Variants in GPC3 observed in about 807,000 individuals in gnomAD.
GPC3 encodes the protein glypican 3, also known as glypican-3.
Under a neutral mutation model 34.4 loss-of-function variants are expected in GPC3, and 3 were observed. The ratio of observed to expected loss-of-function variants is 0.09; its 90% CI spans 0.04 to 0.23. The LOEUF is 0.23. Ranked by LOEUF, GPC3 falls within the 10% of genes least tolerant of loss-of-function variation. The pLI is 1.00. For missense variants in GPC3, 351 were observed against 445.6 expected, an observed-to-expected ratio of 0.79 and a Z score of 1.91; for synonymous variants, 177 against 174.0, an observed-to-expected ratio of 1.02 and a Z score of -0.13.
At chrX:133,716,083 A>T (rs934109161) in intron 3 of GPC3, among the ~76,000 whole-genome samples, 2 of 112,440 alleles carry the variant, frequency 1.8e-5, no homozygotes, top group African/African-American at 6.5e-5. Context: ...TTCAACGGCT[A>T]CACATGACAA....
chrX:133,907,693 T>G (rs2124604338), intron 2 of GPC3, among the ~76,000 whole-genome samples: 1 of 111,630 alleles, frequency 9.0e-6, no homozygotes, highest in Admixed American at 9.6e-5. Context: ...CTATGGAACA[T>G]TTTGATTGTT....
chrX:133,626,865 C>T (rs923978691), intron 6 of GPC3, among the ~76,000 whole-genome samples: 21 of 107,866 alleles, frequency 1.9e-4, no homozygotes, highest in East Asian at 2.9e-4. Flanking sequence ...CACATGCACA[C>T]GTATGTTTAT....
chrX:133,569,029 G>A (rs1323220092), intron 7 of GPC3, among the ~76,000 whole-genome samples: 1 of 110,842 alleles, frequency 9.0e-6, no homozygotes, highest in Non-Finnish European at 1.9e-5. Context: ...TAGCATGGGC[G>A]TGGTGGCGAT....
chrX:133,745,689 G>T (rs1398512771), intron 3 of GPC3, among the ~76,000 whole-genome samples: 1 of 112,496 alleles, frequency 8.9e-6, no homozygotes, highest in Non-Finnish European at 1.9e-5. Flanking sequence ...ATCAGTCAGG[G>T]TTGAGCTAAC....
At chrX:133,606,516 G>T (rs992138870) in intron 6 of GPC3, among the ~76,000 whole-genome samples, 5 of 111,741 alleles carry the variant, frequency 4.5e-5, no homozygotes, top group African/African-American at 1.3e-4. Flanking sequence ...TGACCTCTTG[G>T]GCTAAAGCAA....
intron 2 of GPC3, among the ~76,000 whole-genome samples, chrX:133,806,521 C>T (rs2075636350): frequency 9.0e-6 from 1 of 111,730 alleles, no homozygotes; most frequent in African/African-American, 3.2e-5. Flanking sequence ...CTGATCTATG[C>T]TTTTGTTTAT....
chrX:133,622,367 A>G (rs1443244910), intron 6 of GPC3, among the ~76,000 whole-genome samples: 1 of 112,103 alleles, frequency 8.9e-6, no homozygotes, highest in Non-Finnish European at 1.9e-5. Flanking sequence ...TCTCTGAGCT[A>G]AAGGAGGATA....
chrX:133,756,052 T>C (rs2071723570), intron 2 of GPC3, among the ~76,000 whole-genome samples: 1 of 112,538 alleles, frequency 8.9e-6, no homozygotes, highest in South Asian at 3.6e-4. Context: ...GTTTCAGAAG[T>C]ATTCACAAGC....
chrX:133,821,553 G>A (rs1221039373), intron 2 of GPC3, among the ~76,000 whole-genome samples: 1 of 111,550 alleles, frequency 9.0e-6, no homozygotes, highest in Non-Finnish European at 1.9e-5. Context: ...ATATATATTC[G>A]GAACACTTGA....
At chrX:133,850,194 G>GTTT (rs749809263) in intron 2 of GPC3, among the ~76,000 whole-genome samples, 10,437 of 67,739 alleles carry the variant, frequency 0.15, 1,329 homozygotes, top group African/African-American at 0.37. Flanking sequence ...TTTGGGTTTT[G>GTTT]TTTTTTTTTT....
At chrX:133,637,416 CA>C (rs201591822) in intron 6 of GPC3, among the ~76,000 whole-genome samples, 23 of 98,048 alleles carry the variant, frequency 2.3e-4, no homozygotes, top group South Asian at 4.5e-4. Flanking sequence ...GACTCCATCT[CA>C]AAAAAAAAAA....
intron 2 of GPC3, among the ~76,000 whole-genome samples, chrX:133,804,375 T>A (rs1294003187): frequency 9.1e-6 from 1 of 110,458 alleles, no homozygotes; most frequent in East Asian, 2.9e-4. Context: ...ACCCAAGGAA[T>A]CTGTATCTTT....
rs1160635004 is a variant in GPC3 at position 133,841,837 on chromosome X, C to T, written c.338-87661G>A. Reference sequence around the variant, plus strand: ...CAGCTTCCAGCAAATATAAAGCAGGCAGAGAAATGTGAAAAGAGAGATGGG... The same window carrying T: ...CAGCTTCCAGCAAATATAAAGCAGGTAGAGAAATGTGAAAAGAGAGATGGG... On this transcript the variant is annotated intron_variant, in intron 2 of 7. Coordinates refer to ENST00000370818, the MANE Select transcript of GPC3 (RefSeq NM_004484.4). 2.4e-4 allele frequency among the ~76,000 whole-genome samples: 27 copies of T among 111,852 alleles called. No individual in the cohort carries two copies. In the Admixed American group the frequency reaches 2.5e-3, roughly 11 times the overall value.
At chrX:133,922,915 A>T (rs2076256505) in intron 2 of GPC3, among the ~76,000 whole-genome samples, 1 of 111,537 alleles carries the variant, frequency 9.0e-6, no homozygotes, top group Admixed American at 9.6e-5. Context: ...GACTACAGCT[A>T]TGTGAGGTAG....
chrX:133,576,860 A>C (rs1217800743), intron 7 of GPC3, among the ~76,000 whole-genome samples: 1 of 109,432 alleles, frequency 9.1e-6, no homozygotes, highest in Non-Finnish European at 1.9e-5. Flanking sequence ...GAAGAATTGA[A>C]GACATCACAA....
chrX:133,892,286 C>T (rs769155080), intron 2 of GPC3, among the ~76,000 whole-genome samples: 2 of 111,935 alleles, frequency 1.8e-5, no homozygotes, highest in African/African-American at 6.5e-5. Flanking sequence ...ACAAACCCTT[C>T]ATTGTACATT....
At chrX:133,709,069 A>T (rs1300811894) in intron 3 of GPC3, among the ~76,000 whole-genome samples, 1 of 111,575 alleles carries the variant, frequency 9.0e-6, no homozygotes. Context: ...CTATTTCTGA[A>T]CTCTATTCTG....
At chrX:133,873,487 C>T (rs2076002904) in intron 2 of GPC3, among the ~76,000 whole-genome samples, 1 of 111,267 alleles carries the variant, frequency 9.0e-6, no homozygotes, top group African/African-American at 3.3e-5. Context: ...GGAGTTTAAG[C>T]AAGGTACTTT....
rs763530342 is a variant in GPC3, at chrX:133,584,943, A to AC, written c.1573+11496_1573+11497insG. 3.3e-3 allele frequency among the ~76,000 whole-genome samples: 364 copies of AC among 110,528 alleles called. 3 individuals are homozygous for AC. Among genetic ancestry groups the AC allele is most frequent in the African/African-American group, 0.011 (343 of 30,475 alleles). On this transcript the variant is annotated intron_variant, in intron 7 of 7. Transcript: ENST00000370818. ...ATTATAAAAAGCCAAAAAAAAAAAA[A>AC]AAACAAAAAAACAAAAAACAGACTA...
Sources: allele counts gnomAD v4.1 joint callset (sites outside exome capture counted in the v4.1 genomes callset), GRCh38; gene constraint gnomAD v4.1.1; transcripts MANE v1.5; gene names NCBI Gene and HGNC (gene_info 2026-07-23, HGNC 2026-07-21).